GRIN2A: variants seen among roughly 807,000 people sequenced by gnomAD.
The protein encoded by GRIN2A is glutamate ionotropic receptor NMDA type subunit 2A, also known as glutamate receptor ionotropic, NMDA 2A.
GRIN2A carries 22 observed loss-of-function variants against 113.4 expected under a neutral mutation model. The observed-to-expected ratio is 0.19, with a 90% CI of 0.14 to 0.28. GRIN2A has a LOEUF of 0.28. GRIN2A is among the 10% of genes least tolerant of loss of function. GRIN2A has a pLI of 1.00. For synonymous variants in GRIN2A, 827 were observed against 738.4 expected (o/e 1.12, Z -1.94); for missense variants, 1,502 against 1,887.0 (o/e 0.80, Z 3.78).
chr16:10,136,683 G>C (rs2049197620), intron 2 of GRIN2A, among the ~76,000 whole-genome samples: 1 of 152,192 alleles, frequency 6.6e-6, no homozygotes, highest in Non-Finnish European at 1.5e-5. Flanking sequence ...TGTCTTGAAA[G>C]AATAAGTTCA....
intron 10 of GRIN2A, among the ~76,000 whole-genome samples, chr16:9,815,381 T>C (rs145772566): frequency 1.2e-3 from 146 of 123,534 alleles, no homozygotes; most frequent in Middle Eastern, 6.4e-3. Context: ...ATATCCAGAA[T>C]ATACAGAGAA....
At position 9,794,919 on chromosome 16, in the gene GRIN2A, G is replaced by A. The variant is rs541959796; in HGVS notation, c.2356+3358C>T. On this transcript the variant is annotated intron_variant, in intron 11 of 12. Coordinates refer to ENST00000330684, the MANE Select transcript of GRIN2A (RefSeq NM_001134407.3). ...GTGCACGGGCAACTATGGTGATGAT[G>A]AGAAGGAGAAGGATGAAGAGGAGGA... 8.2e-5 allele frequency among the ~76,000 whole-genome samples: 12 copies of A among 146,664 alleles called. No individual in the cohort carries two copies. The South Asian group carries it at 2.6e-3, about 31-fold the overall frequency.
chr16:9,876,968 C>A (rs1051768495), intron 4 of GRIN2A, among the ~76,000 whole-genome samples: 5 of 152,100 alleles, frequency 3.3e-5, no homozygotes, highest in Admixed American at 3.3e-4. Flanking sequence ...GTCATACCCC[C>A]AACTTCCACT....
Position 9,792,105 on chromosome 16 carries a change from G to GTC in GRIN2A, c.2356+6171_2356+6172insGA, listed in dbSNP as rs71400496. The stretch of plus-strand genomic sequence containing the variant: ...TGTGTGTGTGTGTGTGTGTGTGTGT[G>GTC]TGTATCTTTCAAATATTTAACATAT... On this transcript the variant is annotated intron_variant, in intron 11 of 12. Coordinates refer to ENST00000330684, the MANE Select transcript of GRIN2A (RefSeq NM_001134407.3). Among the ~76,000 whole-genome samples the GTC allele has an allele frequency of 5.5e-3, 838 of 151,172 alleles. 6 individuals are homozygous for GTC. Among genetic ancestry groups the GTC allele is most frequent in the African/African-American group, 0.019 (786 of 41,034 alleles).
chr16:10,109,292 A>T (rs1252139056), intron 2 of GRIN2A, among the ~76,000 whole-genome samples: 1 of 152,088 alleles, frequency 6.6e-6, no homozygotes, highest in African/African-American at 2.4e-5. Context: ...CCTCCCACAA[A>T]GTAAACTTCA....
At chr16:9,963,589 T>C (rs1477112099) in intron 2 of GRIN2A, among the ~76,000 whole-genome samples, 1 of 152,192 alleles carries the variant, frequency 6.6e-6, no homozygotes, top group Non-Finnish European at 1.5e-5. Context: ...CAATTGTATA[T>C]ATGTGTAAAA....
chr16:9,931,236 C>T (rs926661220), intron 3 of GRIN2A, among the ~76,000 whole-genome samples: 33 of 152,148 alleles, frequency 2.2e-4, no homozygotes, highest in African/African-American at 7.7e-4. Flanking sequence ...AAGAATAGAA[C>T]TGAAATGCAC....
rs1201452469 is a variant in GRIN2A, at chr16:10,180,313, C to G, written c.99G>C (p.Ala33=). Residue 33 remains alanine, a synonymous_variant, in exon 2 of 13, where the codon GCG becomes GCC. Transcript: ENST00000330684. The surrounding 1 kb of genome is among the most constrained non-coding windows in gnomAD (Gnocchi z 7.0). ...GACCCAGCATCACCGCAATATTTAG[C>G]GCGGGGGGACCCTTCTCCGCCGCCG... ...PSAAAEKGPP[A]LNIAVMLGHS... is the part of the protein sequence containing the mutation. The G allele has an allele frequency of 1.2e-6, 2 of 1,611,306 alleles. No homozygotes were observed. The highest frequency in any genetic ancestry group is 1.1e-5 in the South Asian group (1 of 91,080).
chr16:9,754,966 G>A lies in GRIN2A; in HGVS notation c.*8183C>T, dbSNP rs1284087372. 2 of 210,406 alleles carry A rather than the reference G, an allele frequency of 9.5e-6. No homozygotes were observed. The allele number at this position is 210,406 out of a possible 1,614,324, so 13.0% of individuals were successfully genotyped here. A position where few individuals can be genotyped will look rare whatever the true frequency, so the allele number is the denominator to read the frequency against. On this transcript the variant is annotated 3_prime_UTR_variant, in exon 13 of 13. Coordinates refer to ENST00000330684, the MANE Select transcript of GRIN2A (RefSeq NM_001134407.3). ...AACAATTAACCTCATTAATTTGAAA[G>A]GCAGCTGTGGTATTGGCTATGAGTT... is the stretch of plus-strand genomic sequence containing the variant.
rs141184662 is a variant in GRIN2A at position 9,762,134 on chromosome 16, C to T, written c.*1015G>A. 8.9e-5 allele frequency: 19 copies of T among 213,716 alleles called. No homozygotes were observed. Among genetic ancestry groups the T allele is most frequent in the Non-Finnish European group, 1.6e-4 (17 of 105,370 alleles). 13.2% of individuals were successfully genotyped at this position (213,716 alleles called of 1,614,324 possible). ...TTGGTGCATGTCACCACATTAACAA[C>T]TCTGGGAAGAGCGATACACAGCTAA... On this transcript the variant is annotated 3_prime_UTR_variant, in exon 13 of 13. Coordinates refer to ENST00000330684, the MANE Select transcript of GRIN2A (RefSeq NM_001134407.3).
chr16:9,841,992 CTATAA>C (rs1473462308), intron 5 of GRIN2A, among the ~76,000 whole-genome samples: 2 of 152,188 alleles, frequency 1.3e-5, no homozygotes, highest in Non-Finnish European at 2.9e-5. Flanking sequence ...TGGCTCACAC[CTATAA>C]TCCCAGCACT....
At chr16:10,151,534 G>A (rs1353560074) in intron 2 of GRIN2A, among the ~76,000 whole-genome samples, 1 of 152,144 alleles carries the variant, frequency 6.6e-6, no homozygotes, top group Non-Finnish European at 1.5e-5. Flanking sequence ...AAGTTACAGG[G>A]CCATTTTTAG....
At chr16:9,954,781 G>A (rs1384506713) in intron 2 of GRIN2A, among the ~76,000 whole-genome samples, 2 of 152,150 alleles carry the variant, frequency 1.3e-5, no homozygotes, top group African/African-American at 4.8e-5. Flanking sequence ...CGGCACTCAA[G>A]TCCTCTCCAG....
At position 9,878,701 on chromosome 16, in the gene GRIN2A, TTTTTG is replaced by T. The variant is rs571447723; in HGVS notation, c.1122+12280_1122+12284del. Among the ~76,000 whole-genome samples, 315 of 152,300 alleles carry T rather than the reference TTTTTG, an allele frequency of 2.1e-3. 1 individual carries two copies. Among genetic ancestry groups the T allele is most frequent in the African/African-American group, 7.3e-3 (304 of 41,560 alleles). On this transcript the variant is annotated intron_variant, in intron 4 of 12. Transcript: ENST00000330684. ...ATGTCTTTTCTATGAACTGCATTTT[TTTTTG>T]TTTTAAGTTCTGAAATCTGAAAAAC...
intron 12 of GRIN2A, 118 bp downstream of exon 12, chr16:9,768,733 A>T (rs1250963767): frequency 2.5e-6 from 2 of 796,190 alleles, no homozygotes. Flanking sequence ...TGCTCTTGTG[A>T]CATGCCCAAG....
At chr16:10,137,377 C>G (rs750231409) in intron 2 of GRIN2A, among the ~76,000 whole-genome samples, 4 of 152,182 alleles carry the variant, frequency 2.6e-5, no homozygotes, top group Non-Finnish European at 4.4e-5. Context: ...TTCTTGCCCC[C>G]TACACATGCT....
chr16:9,889,908 G>A (rs972737910), intron 4 of GRIN2A, among the ~76,000 whole-genome samples: 1 of 152,116 alleles, frequency 6.6e-6, no homozygotes. Context: ...ATGTGCACTC[G>A]AAAGGCTGTG....
intron 2 of GRIN2A, among the ~76,000 whole-genome samples, chr16:10,032,447 G>A (rs1193579522): frequency 6.6e-6 from 1 of 152,104 alleles, no homozygotes; most frequent in Non-Finnish European, 1.5e-5. Flanking sequence ...CACCTCTGCT[G>A]AGTTTCTTTT....
chr16:10,157,215 G>A (rs1228338244), intron 2 of GRIN2A, among the ~76,000 whole-genome samples: 4 of 152,118 alleles, frequency 2.6e-5, no homozygotes, highest in Non-Finnish European at 2.9e-5. Flanking sequence ...GTTGGGCAGT[G>A]GAAGAATGGA....
Sources: gnomAD v4.1 joint callset for allele counts (sites outside exome capture counted in the v4.1 genomes callset) on GRCh38, gnomAD v4.1.1 for gene constraint, Gnocchi (gnomAD v3.1) non-coding constraint, MANE v1.5 for transcripts, NCBI Gene and HGNC (gene_info 2026-07-23, HGNC 2026-07-21) for gene names.